PKHD1L1: variants seen among roughly 807,000 people sequenced by gnomAD.
PKHD1L1 encodes PKHD1 like 1.
Under a neutral mutation model 462.9 loss-of-function variants are expected in PKHD1L1, and 434 were observed. The observed-to-expected ratio is 0.94, with a 90% CI of 0.87 to 1.02. The LOEUF (loss-of-function observed/expected upper bound fraction) is 1.02, where lower values mean the gene tolerates loss of function less well. Ranked by LOEUF, PKHD1L1 falls within the 50% of genes least tolerant of loss-of-function variation. The pLI is 0.00. For missense variants in PKHD1L1, 5,202 were observed against 5,096.1 expected (o/e 1.02, Z -0.63); for synonymous variants, 1,781 against 1,750.0 (o/e 1.02, Z -0.44).
chr8:109,400,438 T>C (rs1813216467), intron 13 of PKHD1L1, 94 bp downstream of exon 13: 5 of 1,348,774 alleles, frequency 3.7e-6, no homozygotes, highest in Non-Finnish European at 5.0e-6. Context: ...TGAACATTTT[T>C]AAAATGTATG....
chr8:109,449,487 G>A lies in PKHD1L1; in HGVS notation c.6175G>A (p.Gly2059Ser). Reference sequence around the variant, plus strand: ...ATTATGTGAAATTCCATCTAATAATGGTAAGTTGTCAGAAAAAGTAATGGC... The same window carrying A: ...ATTATGTGAAATTCCATCTAATAATAGTAAGTTGTCAGAAAAAGTAATGGC... The part of the protein sequence containing the change: ...TLLCEIPSNN[G>S]TGAEQACEVS... Residue 2059 changes from glycine (G) to serine (S), a missense_variant and splice_region_variant, in exon 40 of 78, where the codon GGC becomes AGC. Around this residue, in one of 3 missense-constraint regions of PKHD1L1, gnomAD observed 4,497 missense variants for 4,336.8 expected, o/e 1.04. Transcript: ENST00000378402. 1 of 1,579,524 alleles carries A rather than the reference G, an allele frequency of 6.3e-7. No individual in the cohort carries two copies. The highest frequency in any genetic ancestry group is 1.4e-5 in the African/African-American group (1 of 74,036).
intron 62 of PKHD1L1, among the ~76,000 whole-genome samples, chr8:109,492,490 C>T (rs1432605478): frequency 6.6e-6 from 1 of 151,750 alleles, no homozygotes; most frequent in East Asian, 1.9e-4. Context: ...GAGATAGCTT[C>T]CTCCTGTCTT....
rs1004315861 is a variant in PKHD1L1, at chr8:109,536,080, T to C, written c.*5990T>C. On this transcript the variant is annotated 3_prime_UTR_variant, in exon 78 of 78. Transcript: ENST00000378402. ...TTAATATATTGCTAGTAGACATGTC[T>C]ACTTCTGGTTGCTGATGACATAAAA... is the stretch of plus-strand genomic sequence containing the variant. Among the ~76,000 whole-genome samples, 3 of 152,184 alleles carry C rather than the reference T, an allele frequency of 2.0e-5. No individual in the cohort carries two copies. The highest frequency in any genetic ancestry group is 3.2e-3 in the Middle Eastern group (1 of 316).
intron 48 of PKHD1L1, among the ~76,000 whole-genome samples, chr8:109,463,142 C>A (rs1451990126): frequency 6.6e-6 from 1 of 152,054 alleles, no homozygotes; most frequent in East Asian, 1.9e-4. Context: ...ATAGTAGATT[C>A]TCAGTTGATT....
Position 109,491,899 on chromosome 8 carries a change from C to T in PKHD1L1, c.10141C>T (p.Arg3381Ter), listed in dbSNP as rs200149971. 1.6e-5 allele frequency: 25 copies of T among 1,603,668 alleles called. No homozygotes were observed. Among genetic ancestry groups the T allele is most frequent in the Middle Eastern group, 1.7e-4 (1 of 6,026 alleles). The change falls in exon 62 of 78, where the codon CGA becomes TGA. Residue 3381 changes from arginine (R) to a stop codon, truncating the protein, a stop_gained. Transcript: ENST00000378402. LOFTEE classifies it high-confidence loss of function. ...CATAAGAATATGGGGGAATGCCAAC[C>T]GAGTCCGAGGGAATTTGATTGCACT... The part of the protein sequence containing the change: ...EGIRIWGNAN[R>*]VRGNLIALSV...
intron 49 of PKHD1L1, among the ~76,000 whole-genome samples, chr8:109,466,173 G>A (rs150314888): frequency 7.2e-5 from 11 of 152,256 alleles, no homozygotes; most frequent in African/African-American, 2.4e-4. Flanking sequence ...GATATATAAA[G>A]CTTTGTGTAA....
At position 109,404,557 on chromosome 8, in the gene PKHD1L1, C is replaced by T; in HGVS notation, c.1377C>T (p.Tyr459=). The T allele has an allele frequency of 6.5e-7, 1 of 1,532,438 alleles. No homozygotes were observed. The highest frequency in any genetic ancestry group is 8.8e-7 in the Non-Finnish European group (1 of 1,137,244). The allele number at this position is 1,532,438 out of a possible 1,614,324, so 94.9% of individuals were successfully genotyped here. A position where few individuals can be genotyped will look rare whatever the true frequency, so the allele number is the denominator to read the frequency against. Residue 459 remains tyrosine, a synonymous_variant, in exon 15 of 78, where the codon TAC becomes TAT. Coordinates refer to ENST00000378402, the MANE Select transcript of PKHD1L1 (RefSeq NM_177531.6). ...CATTAGTTACTCTATTTTCCAGATA[C>T]TATATTGAAATCTTGCTGCAGGAGT... ...DDIHLQKGKE[Y]YIEILLQEYR... is the part of the protein sequence containing the mutation.
chr8:109,408,011 G>C (rs768695088), intron 17 of PKHD1L1, 38 bp from the exon 18 acceptor site: 2 of 1,480,108 alleles, frequency 1.4e-6, no homozygotes, highest in Admixed American at 4.0e-5. Flanking sequence ...CATTTTATTA[G>C]TTAATGTCTA....
intron 73 of PKHD1L1, among the ~76,000 whole-genome samples, chr8:109,519,213 C>T (rs760529209): frequency 7.9e-5 from 12 of 152,034 alleles, no homozygotes; most frequent in Non-Finnish European, 1.5e-4. Flanking sequence ...CTGTGTCCCT[C>T]ACTTCCTATT....
At chr8:109,443,147 C>T in intron 36 of PKHD1L1, 31 bp downstream of exon 36, 1 of 1,600,958 alleles carries the variant, frequency 6.2e-7, no homozygotes, top group Non-Finnish European at 8.5e-7. Flanking sequence ...AACTCTGTTA[C>T]ACAGGTGACC....
chr8:109,480,018 T>C lies in PKHD1L1; in HGVS notation c.9206T>C (p.Met3069Thr), dbSNP rs1315747914. Residue 3069 changes from methionine (M) to threonine (T), a missense_variant, in exon 55 of 78, where the codon ATG becomes ACG. Physicochemically the swap from Met to Thr is moderately conservative, Grantham distance 81. Transcript: ENST00000378402. The part of the protein sequence containing the change: ...EGTWIVADID[M>T]PSMERLIIWG... ...ACATGGATTGTAGCTGACATAGATA[T>C]GCCATCAATGGAAAGACTCATTATT... is the stretch of plus-strand genomic sequence containing the variant. 13 of 1,590,876 alleles carry C rather than the reference T, an allele frequency of 8.2e-6. No homozygotes were observed. Among genetic ancestry groups the C allele is most frequent in the African/African-American group, 2.7e-5 (2 of 73,556 alleles).
intron 21 of PKHD1L1, among the ~76,000 whole-genome samples, chr8:109,418,786 A>G (rs1814312057): frequency 6.6e-6 from 1 of 152,210 alleles, no homozygotes; most frequent in Admixed American, 6.5e-5. Context: ...AATATGCTCT[A>G]CACAAATGCC....
chr8:109,535,553 G>A lies in PKHD1L1; in HGVS notation c.*5463G>A, dbSNP rs1023557241. Among the ~76,000 whole-genome samples, 5 of 152,128 alleles carry A rather than the reference G, an allele frequency of 3.3e-5. No individual in the cohort carries two copies. Among genetic ancestry groups the A allele is most frequent in the Admixed American group, 1.3e-4 (2 of 15,266 alleles). On this transcript the variant is annotated 3_prime_UTR_variant, in exon 78 of 78. Coordinates refer to ENST00000378402, the MANE Select transcript of PKHD1L1 (RefSeq NM_177531.6). Reference sequence around the variant, plus strand: ...ACAAGAATTTCTGGTATGTCTTAAAGGGCATGGGTGGTTAGAGGGAGATCC... The same window carrying A: ...ACAAGAATTTCTGGTATGTCTTAAAAGGCATGGGTGGTTAGAGGGAGATCC...
At chr8:109,414,623 A>C (rs73700881) in intron 21 of PKHD1L1, among the ~76,000 whole-genome samples, 1,543 of 152,194 alleles carry the variant, frequency 0.01, 21 homozygotes, top group African/African-American at 0.033. Flanking sequence ...GCATTATTCT[A>C]TTATAATAAG....
intron 67 of PKHD1L1, among the ~76,000 whole-genome samples, chr8:109,503,774 T>A (rs1819554478): frequency 1.3e-5 from 2 of 152,222 alleles, no homozygotes; most frequent in Admixed American, 1.3e-4. Context: ...ATTGTCAATT[T>A]GGGCTTTGTT....
intron 27 of PKHD1L1, among the ~76,000 whole-genome samples, chr8:109,430,423 A>G (rs1479271710): frequency 6.6e-6 from 1 of 152,092 alleles, no homozygotes; most frequent in Non-Finnish European, 1.5e-5. Context: ...CCTCTAGGAG[A>G]GTTAGTATTA....
intron 2 of PKHD1L1, among the ~76,000 whole-genome samples, chr8:109,366,133 T>C (rs1320337042): frequency 6.6e-6 from 1 of 152,222 alleles, no homozygotes; most frequent in Admixed American, 6.5e-5. Flanking sequence ...TTTGGAAAGG[T>C]ATCCTTTTAA....
At chr8:109,394,625 G>A (rs1812878991) in intron 10 of PKHD1L1, 140 bp downstream of exon 10, 1 of 470,004 alleles carries the variant, frequency 2.1e-6, no homozygotes, top group African/African-American at 2.0e-5. Context: ...CCCTAAGATG[G>A]GGAGTCTAAC....
At chr8:109,380,791 A>G (rs1242062914) in intron 2 of PKHD1L1, among the ~76,000 whole-genome samples, 1 of 152,132 alleles carries the variant, frequency 6.6e-6, no homozygotes, top group Non-Finnish European at 1.5e-5. Context: ...CAAATAAATT[A>G]TGTGCTGGCA....
Sources: gnomAD v4.1 joint callset for allele counts (sites outside exome capture counted in the v4.1 genomes callset) on GRCh38, gnomAD v4.1.1 for gene constraint, gnomAD v4.1.1 regional missense constraint, MANE v1.5 for transcripts, NCBI Gene and HGNC (gene_info 2026-07-23, HGNC 2026-07-21) for gene names.